The following SCMH1 variants were observed in gnomAD, a reference collection of about 807,000 sequenced individuals.
The protein encoded by SCMH1 is polycomb protein SCMH1.
Under a neutral mutation model 70.8 loss-of-function variants are expected in SCMH1, and 37 were observed. That is an observed-to-expected ratio of 0.52 (90% CI 0.40 to 0.69). The LOEUF is 0.69. SCMH1 is among the 30% of genes least tolerant of loss of function. The pLI, the probability that SCMH1 is intolerant of heterozygous loss-of-function variation, is 0.00. For synonymous variants in SCMH1, 292 were observed against 307.4 expected (o/e 0.95, Z 0.52); for missense variants, 607 against 827.3 (o/e 0.73, Z 3.27).
intron 10 of SCMH1, among the ~76,000 whole-genome samples, chr1:41,061,031 T>C (rs555964838): frequency 2.0e-5 from 3 of 152,246 alleles, no homozygotes; most frequent in South Asian, 4.1e-4. Context: ...TTTGCAAAAA[T>C]TGTAATAGTG....
intron 1 of SCMH1, among the ~76,000 whole-genome samples, chr1:41,239,722 C>T (rs1411500290): frequency 6.6e-6 from 1 of 152,146 alleles, no homozygotes; most frequent in African/African-American, 2.4e-5. Flanking sequence ...CCTCAAACTC[C>T]TTGACTCAAA....
intron 10 of SCMH1, among the ~76,000 whole-genome samples, chr1:41,060,046 G>A (rs980666831): frequency 6.6e-6 from 1 of 151,660 alleles, no homozygotes; most frequent in Non-Finnish European, 1.5e-5. Context: ...AAGAACTGTG[G>A]GATAACTATA....
At chr1:41,237,471 T>C (rs1203609072) in intron 1 of SCMH1, among the ~76,000 whole-genome samples, 4 of 152,218 alleles carry the variant, frequency 2.6e-5, no homozygotes, top group African/African-American at 4.8e-5. Flanking sequence ...ATTTTACAGA[T>C]AGTAAACTGA....
chr1:41,078,675 T>A (rs1659092680), intron 8 of SCMH1, among the ~76,000 whole-genome samples: 1 of 152,136 alleles, frequency 6.6e-6, no homozygotes, highest in Admixed American at 6.5e-5. Context: ...AAGATAGAAT[T>A]ATACACCCAG....
chr1:41,044,829 C>T (rs1311943071), intron 12 of SCMH1, among the ~76,000 whole-genome samples: 5 of 152,088 alleles, frequency 3.3e-5, no homozygotes, highest in African/African-American at 2.4e-5. Flanking sequence ...AAAGGTCATG[C>T]CCCGGTCCCA....
intron 6 of SCMH1, among the ~76,000 whole-genome samples, chr1:41,130,513 C>G (rs1317333530): frequency 1.3e-5 from 2 of 152,048 alleles, no homozygotes; most frequent in Admixed American, 6.6e-5. Flanking sequence ...GCCTTTGATA[C>G]ATTTTGAGTT....
At chr1:41,076,189 C>T (rs1184685110) in intron 8 of SCMH1, among the ~76,000 whole-genome samples, 1 of 152,144 alleles carries the variant, frequency 6.6e-6, no homozygotes, top group Non-Finnish European at 1.5e-5. Flanking sequence ...CTCTCTATTA[C>T]TCTTTGTCAG....
intron 8 of SCMH1, among the ~76,000 whole-genome samples, chr1:41,087,968 T>TGTGTG (rs1553238484): frequency 5.5e-5 from 1 of 18,026 alleles, no homozygotes; most frequent in East Asian, 3.9e-3. Context: ...GTGTGTGTAT[T>TGTGTG]TATTTATGCA....
chr1:41,034,383 A>G (rs1341750895), intron 13 of SCMH1, among the ~76,000 whole-genome samples: 2 of 150,224 alleles, frequency 1.3e-5, no homozygotes, highest in African/African-American at 4.9e-5. Context: ...GCTGGAGTGC[A>G]GTGGCGTGAT....
intron 1 of SCMH1, among the ~76,000 whole-genome samples, chr1:41,227,001 A>G (rs987152460): frequency 5.3e-5 from 8 of 152,242 alleles, no homozygotes; most frequent in Admixed American, 5.2e-4. Flanking sequence ...AGGGTGGTGC[A>G]TAGAAAGCAG....
At chr1:41,058,890 AC>A (rs1179711451) in intron 10 of SCMH1, among the ~76,000 whole-genome samples, 1 of 152,198 alleles carries the variant, frequency 6.6e-6, no homozygotes, top group African/African-American at 2.4e-5. Context: ...TTTGTTCTGC[AC>A]CTGAGAAGAT....
intron 1 of SCMH1, 38 bp from the exon 2 acceptor site, chr1:41,186,288 T>C (rs528352021): frequency 1.4e-5 from 8 of 577,376 alleles, no homozygotes; most frequent in Non-Finnish European, 2.3e-5. Context: ...GAGAAGAACA[T>C]TTATTACCTG....
chr1:41,130,498 T>C (rs1046046571), intron 6 of SCMH1, among the ~76,000 whole-genome samples: 2 of 152,174 alleles, frequency 1.3e-5, no homozygotes, highest in Admixed American at 6.5e-5. Flanking sequence ...AGACCCCACA[T>C]TCAGGCCTTT....
chr1:41,235,179 T>C (rs1662109428), intron 1 of SCMH1, among the ~76,000 whole-genome samples: 1 of 152,086 alleles, frequency 6.6e-6, no homozygotes, highest in Non-Finnish European at 1.5e-5. Context: ...AAAACAGAAA[T>C]TTTATGGTTC....
chr1:41,060,938 C>T (rs1429967654), intron 10 of SCMH1, among the ~76,000 whole-genome samples: 5 of 152,180 alleles, frequency 3.3e-5, no homozygotes, highest in East Asian at 1.9e-4. Flanking sequence ...CCTCCCAACT[C>T]GGCCTCCCAA....
At chr1:41,130,088 T>C (rs1674262731) in intron 6 of SCMH1, among the ~76,000 whole-genome samples, 1 of 152,224 alleles carries the variant, frequency 6.6e-6, no homozygotes, top group Non-Finnish European at 1.5e-5. Flanking sequence ...TTAGTGATCA[T>C]GAACATATTT....
rs139035646 is a variant in SCMH1, at chr1:41,099,555, A to G, written c.745+13728T>C. Reference sequence around the variant, plus strand: ...CATAGAGAAGTGAAGTGTGGTATGAAAGAAAGAACACTGACTTTGAAGTCA... The same window carrying G: ...CATAGAGAAGTGAAGTGTGGTATGAGAGAAAGAACACTGACTTTGAAGTCA... On this transcript the variant is annotated intron_variant, in intron 8 of 14. Coordinates refer to ENST00000337495, the Ensembl canonical transcript of SCMH1. 2.0e-5 allele frequency among the ~76,000 whole-genome samples: 3 copies of G among 152,348 alleles called. No individual in the cohort carries two copies. The East Asian group carries it at 5.8e-4, about 29-fold the overall frequency.
intron 6 of SCMH1, among the ~76,000 whole-genome samples, chr1:41,122,228 C>T (rs1672124003): frequency 6.6e-6 from 1 of 152,160 alleles, no homozygotes; most frequent in Non-Finnish European, 1.5e-5. Context: ...CTCCTCATTA[C>T]TCATCTCTTA....
intron 4 of SCMH1, among the ~76,000 whole-genome samples, chr1:41,153,058 A>G (rs1156358177): frequency 2.0e-5 from 3 of 152,252 alleles, no homozygotes; most frequent in Non-Finnish European, 4.4e-5. Context: ...GCCCTAAAGC[A>G]AGGACTGAAT....
Sources: allele counts gnomAD v4.1 joint callset (sites outside exome capture counted in the v4.1 genomes callset), GRCh38; gene constraint gnomAD v4.1.1; transcripts MANE v1.5; gene names NCBI Gene and HGNC (gene_info 2026-07-23, HGNC 2026-07-21).